Variants in DLG2 observed in about 807,000 individuals in gnomAD.
DLG2 encodes disks large homolog 2.
DLG2 carries 45 observed loss-of-function variants against 132.5 expected under a neutral mutation model. The ratio of observed to expected loss-of-function variants is 0.34; its 90% CI spans 0.27 to 0.44. DLG2 has a LOEUF of 0.44. Among genes scored for constraint, DLG2 ranks in the 20% least tolerant of loss-of-function variants. The probability of loss-of-function intolerance (pLI) is 1.00; values close to 1 mark genes in which losing one functional copy is unlikely to be tolerated. For synonymous variants in DLG2, 424 were observed against 419.6 expected (o/e 1.01, Z -0.13); for missense variants, 1,045 against 1,196.9 (o/e 0.87, Z 1.87).
chr11:84,946,047 C>T (rs368702743), intron 6 of DLG2, among the ~76,000 whole-genome samples: 3 of 152,080 alleles, frequency 2.0e-5, no homozygotes, highest in Non-Finnish European at 2.9e-5. Flanking sequence ...CACTCAAGGC[C>T]GGAGGGCTCT....
chr11:85,619,671 C>G (rs1387409883), intron 2 of DLG2, among the ~76,000 whole-genome samples: 1 of 151,794 alleles, frequency 6.6e-6, no homozygotes, highest in Non-Finnish European at 1.5e-5. Context: ...CCCTCTCTTC[C>G]AAAAATGAAA....
At chr11:84,034,685 G>T (rs750433310) in intron 11 of DLG2, among the ~76,000 whole-genome samples, 2 of 152,110 alleles carry the variant, frequency 1.3e-5, no homozygotes, top group Non-Finnish European at 2.9e-5. Context: ...GCATCCAGTG[G>T]ACTATATCCA....
chr11:84,366,944 T>G (rs1025349804), intron 7 of DLG2, among the ~76,000 whole-genome samples: 7 of 151,972 alleles, frequency 4.6e-5, no homozygotes, highest in African/African-American at 1.2e-4. Flanking sequence ...ATTGAACTCA[T>G]CTCTGCACCA....
chr11:85,289,154 C>A lies in DLG2; in HGVS notation c.41-3789G>T, dbSNP rs116206796. On this transcript the variant is annotated intron_variant, in intron 3 of 27. Transcript: ENST00000376104. ...ATAACCATGATTAAGTCAAAGATGA[C>A]TTAAATTTGATGATAATTCAATGAT... 3.6e-3 allele frequency among the ~76,000 whole-genome samples: 541 copies of A among 152,242 alleles called. 4 individuals are homozygous for A. Among genetic ancestry groups the A allele is most frequent in the African/African-American group, 0.013 (531 of 41,558 alleles).
intron 12 of DLG2, among the ~76,000 whole-genome samples, chr11:83,974,399 A>G (rs545434886): frequency 3.5e-4 from 54 of 152,172 alleles, no homozygotes; most frequent in Non-Finnish European, 7.4e-5. Context: ...TTTTCAAATA[A>G]AAATAAGATA....
intron 6 of DLG2, among the ~76,000 whole-genome samples, chr11:84,606,599 T>A (rs1207903986): frequency 1.3e-5 from 2 of 152,168 alleles, no homozygotes; most frequent in Non-Finnish European, 2.9e-5. Flanking sequence ...ATGGATTAAA[T>A]GGCAATTGTG....
At chr11:84,133,348 T>C (rs1186884587) in intron 9 of DLG2, among the ~76,000 whole-genome samples, 1 of 152,014 alleles carries the variant, frequency 6.6e-6, no homozygotes, top group Non-Finnish European at 1.5e-5. Context: ...GTAACTGAGG[T>C]CACATGACTT....
intron 3 of DLG2, among the ~76,000 whole-genome samples, chr11:85,502,314 G>A (rs1007575641): frequency 4.0e-5 from 6 of 151,840 alleles, no homozygotes; most frequent in Non-Finnish European, 7.4e-5. Context: ...AATACCTACT[G>A]TAGGTGATGG....
At chr11:85,608,613 G>C (rs529392837) in intron 2 of DLG2, among the ~76,000 whole-genome samples, 1 of 151,872 alleles carries the variant, frequency 6.6e-6, no homozygotes, top group African/African-American at 2.4e-5. Flanking sequence ...TAATCTCCCC[G>C]GCCCAGAAGG....
chr11:83,701,516 G>A (rs2082936023), intron 18 of DLG2, among the ~76,000 whole-genome samples: 1 of 152,124 alleles, frequency 6.6e-6, no homozygotes, highest in Non-Finnish European at 1.5e-5. Flanking sequence ...AATTGAGGAA[G>A]AATAAGACAT....
At chr11:84,934,639 T>C (rs957168364) in intron 6 of DLG2, among the ~76,000 whole-genome samples, 1 of 148,142 alleles carries the variant, frequency 6.8e-6, no homozygotes, top group Non-Finnish European at 1.5e-5. Flanking sequence ...TCTATGCACA[T>C]AAACTAGCAA....
At position 85,128,804 on chromosome 11, in the gene DLG2, T is replaced by C. The variant is rs184264432; in HGVS notation, c.283-17069A>G. On this transcript the variant is annotated intron_variant, in intron 5 of 27. Transcript: ENST00000376104. ...ATTGGATTGTGTTTAGCCAGTGTTA[T>C]TGAGATGACTTCATTTACCTCAATG... 6.9e-4 allele frequency among the ~76,000 whole-genome samples: 105 copies of C among 152,280 alleles called. 2 individuals are homozygous for C. The highest frequency in any genetic ancestry group is 3.1e-3 in the South Asian group (15 of 4,824).
In DLG2 at chr11:85,285,253, A is replaced by T. The variant is rs950201331; in HGVS notation, c.153T>A (p.Ala51=). The change falls in exon 4 of 28, where the codon GCT becomes GCA. Residue 51 remains alanine, a synonymous_variant. Coordinates refer to ENST00000376104, the MANE Select transcript of DLG2 (RefSeq NM_001142699.3). ...ATTTTTGAAGTCTGTCATGGCACGGAGCAAGAAGGGATGTCTTCTCCCATT... is the reference window on the plus strand; with the variant it reads ...ATTTTTGAAGTCTGTCATGGCACGGTGCAAGAAGGGATGTCTTCTCCCATT... ...LQKWEKTSLL[A]PCHDRLQKSS... is the part of the protein sequence containing the mutation. 6.2e-7 allele frequency: 1 copy of T among 1,611,874 alleles called. No individual in the cohort carries two copies. Among genetic ancestry groups the T allele is most frequent in the African/African-American group, 1.3e-5 (1 of 74,892 alleles).
intron 7 of DLG2, among the ~76,000 whole-genome samples, chr11:84,497,159 T>C (rs991137113): frequency 6.6e-6 from 1 of 152,164 alleles, no homozygotes; most frequent in East Asian, 1.9e-4. Context: ...TTTGCACATA[T>C]AAGATGTTCA....
chr11:84,813,465 A>T (rs889714919), intron 6 of DLG2, among the ~76,000 whole-genome samples: 3 of 152,122 alleles, frequency 2.0e-5, no homozygotes, highest in African/African-American at 7.2e-5. Flanking sequence ...ACTAACATTG[A>T]AAGTCATGTT....
chr11:83,478,316 T>G (rs906055707), intron 22 of DLG2, among the ~76,000 whole-genome samples: 1 of 152,118 alleles, frequency 6.6e-6, no homozygotes, highest in Non-Finnish European at 1.5e-5. Context: ...GCTGGCCTTC[T>G]GTAACCTTGG....
At chr11:84,389,713 T>C (rs945809180) in intron 7 of DLG2, among the ~76,000 whole-genome samples, 3 of 152,132 alleles carry the variant, frequency 2.0e-5, no homozygotes, top group African/African-American at 7.2e-5. Context: ...ATTATATTAA[T>C]ATTTGTCTCT....
chr11:84,770,272 CA>C (rs969162719), intron 6 of DLG2, among the ~76,000 whole-genome samples: 2 of 152,206 alleles, frequency 1.3e-5, no homozygotes, highest in African/African-American at 4.8e-5. Context: ...GCTTCCTATA[CA>C]TCCTGCAGAA....
intron 18 of DLG2, among the ~76,000 whole-genome samples, chr11:83,754,460 A>G (rs1354152401): frequency 1.3e-5 from 2 of 151,418 alleles, no homozygotes; most frequent in Admixed American, 6.6e-5. Context: ...GACTCCCATT[A>G]TGGAGAAGCA....
Sources: gnomAD v4.1 joint callset for allele counts (sites outside exome capture counted in the v4.1 genomes callset) on GRCh38, gnomAD v4.1.1 for gene constraint, MANE v1.5 for transcripts, NCBI Gene and HGNC (gene_info 2026-07-23, HGNC 2026-07-21) for gene names.